Variants in OGG1 observed in about 807,000 individuals in gnomAD.
OGG1 encodes 8-oxoguanine DNA glycosylase, also known as N-glycosylase/DNA lyase.
In OGG1, 35 loss-of-function variants were observed where a neutral mutation model predicts 42.3. The observed-to-expected ratio is 0.83, with a 90% confidence interval of 0.63 to 1.10. The LOEUF (loss-of-function observed/expected upper bound fraction) is 1.10. Ranked by LOEUF, OGG1 falls within the 50% of genes least tolerant of loss-of-function variation. OGG1 has a pLI of 0.00. For synonymous variants in OGG1, 189 were observed against 179.0 expected (o/e 1.06, Z -0.44); for missense variants, 484 against 446.7 (o/e 1.08, Z -0.75).
chr3:9,766,642 T>G (rs569113321), exon 8 of OGG1: 144 of 1,045,224 alleles, frequency 1.4e-4, no homozygotes, highest in Non-Finnish European at 4.5e-5. Flanking sequence ...ATAAACTCAT[T>G]TAACTAAAGT....
chr3:9,784,260 A>G, intron 3 of OGG1: 1 of 1,577,070 alleles, frequency 6.3e-7, no homozygotes, highest in Non-Finnish European at 8.7e-7. Context: ...AGCTTGGAGA[A>G]GGGCCCACCT....
At chr3:9,787,729 T>C (rs779721070) in exon 4 of OGG1, 10 of 1,296,966 alleles carry the variant, frequency 7.7e-6, no homozygotes, top group African/African-American at 7.6e-5. Context: ...CTTTTTCAGA[T>C]AAATTTTTAA....
intron 2 of OGG1, among the ~76,000 whole-genome samples, chr3:9,772,628 T>C (rs2078315523): frequency 1.3e-5 from 2 of 152,174 alleles, no homozygotes; most frequent in South Asian, 4.1e-4. Flanking sequence ...ATTTCCTATC[T>C]CATTCTCAGG....
Position 9,766,277 on chromosome 3 carries a change from G to T in OGG1, c.*446G>T. On this transcript the variant is annotated 3_prime_UTR_variant, in exon 8 of 8. Transcript: ENST00000302008. ...TGAGAAATGGCCAAATATATTTCCT[G>T]ATAACATTATGTGGCCCTCTGGATC... 4.3e-6 allele frequency: 3 copies of T among 703,738 alleles called. No homozygotes were observed. The South Asian group carries it at 4.5e-5, about 11-fold the overall frequency. The allele number at this position is 703,738 out of a possible 1,614,324, so 43.6% of individuals were successfully genotyped here.
At chr3:9,761,876 A>G (rs997360108), downstream of OGG1, 1 of 1,433,886 alleles carries the variant, frequency 7.0e-7, no homozygotes, top group Admixed American at 2.5e-5. Flanking sequence ...CTGTGGCTTC[A>G]TGGCTGTCAT....
chr3:9,761,501 CCTTGCT>C, downstream of OGG1: 1 of 1,613,484 alleles, frequency 6.2e-7, no homozygotes, highest in East Asian at 2.2e-5. Flanking sequence ...CAATCCACAG[CCTTGCT>C]GTAGGGCTTC....
intron 7 of OGG1, among the ~76,000 whole-genome samples, chr3:9,765,083 C>T (rs573228803): frequency 1.4e-4 from 21 of 151,342 alleles, no homozygotes; most frequent in African/African-American, 4.4e-4. Flanking sequence ...AAAAATTAGC[C>T]GGGCGTGGTG....
At chr3:9,787,497 C>T in intron 3 of OGG1, 1 of 1,130,298 alleles carries the variant, frequency 8.8e-7, no homozygotes, top group Non-Finnish European at 1.2e-6. Flanking sequence ...GAAGATAAAA[C>T]CTGTACTTCA....
At chr3:9,750,498 C>G in intron 1 of OGG1, 75 bp downstream of exon 1, 2 of 1,596,338 alleles carry the variant, frequency 1.3e-6, no homozygotes, top group South Asian at 2.2e-5. Context: ...GCATGGGGTA[C>G]AAAGGAATTT....
chr3:9,758,957 C>G, downstream of OGG1: 1 of 514,458 alleles, frequency 1.9e-6, no homozygotes. Flanking sequence ...GCAGCAAATA[C>G]TTGCCTAAGA....
At chr3:9,780,455 CAGCCA>C in intron 2 of OGG1, 1 of 1,612,510 alleles carries the variant, frequency 6.2e-7, no homozygotes, top group Non-Finnish European at 8.5e-7. Flanking sequence ...TTCTGCCGGG[CAGCCA>C]TGATCTTGCG....
intron 2 of OGG1, among the ~76,000 whole-genome samples, chr3:9,775,705 T>C (rs1221815955): frequency 6.6e-6 from 1 of 151,974 alleles, no homozygotes; most frequent in African/African-American, 2.4e-5. Flanking sequence ...AGTGGTGTGA[T>C]CTCTGCTCAC....
chr3:9,760,313 T>C (rs1575226895), downstream of OGG1: 2 of 250,164 alleles, frequency 8.0e-6, no homozygotes, highest in African/African-American at 2.3e-5. Context: ...TGATAAACGA[T>C]AGTAGCTTCA....
In OGG1 at chr3:9,756,832, T is replaced by C; in HGVS notation, c.948+16T>C. ...GGCCCAAGCGGTGAGTGTACCTAGG[T>C]GTCCTCCCTAGGTTTCCTCTCCTCC... On this transcript the variant is annotated intron_variant, in intron 6 of 6. Transcript: ENST00000344629. The C allele has an allele frequency of 6.2e-7, 1 of 1,613,334 alleles. No individual in the cohort carries two copies. Among genetic ancestry groups the C allele is most frequent in the South Asian group, 1.1e-5 (1 of 91,038 alleles).
At chr3:9,780,290 A>C (rs1666055500) in intron 2 of OGG1, 1 of 1,508,698 alleles carries the variant, frequency 6.6e-7, no homozygotes, top group South Asian at 1.2e-5. Flanking sequence ...TCCTGTGCCC[A>C]AAGAAGGAAG....
At position 9,785,361 on chromosome 3, in the gene OGG1, G is replaced by C. The variant is rs540503107; in HGVS notation, c.383-2367G>C. ...GCGAGGGGAGGTGCTTGCCCCGTCA[G>C]CCCCTGATTCTTTCCCAGACATGTC... On this transcript the variant is annotated intron_variant, in intron 3 of 3. Transcript: ENST00000426518. 6.8e-6 allele frequency: 11 copies of C among 1,614,108 alleles called. No individual in the cohort carries two copies. In the South Asian group the frequency reaches 1.2e-4, roughly 18 times the overall value.
At position 9,757,054 on chromosome 3, in the gene OGG1, C is replaced by G. The variant is rs777474771; in HGVS notation, c.949-7C>G. ...CTCCTCCCCACACAGACTCCACCCT[C>G]CTACAGGTGCTGTTCAGTGCCGACC... is the stretch of plus-strand genomic sequence containing the variant. On this transcript the variant is annotated splice_region_variant and splice_polypyrimidine_tract_variant and intron_variant, in intron 6 of 6. Transcript: ENST00000344629. This position sits in a 1 kb window ranked among gnomAD's most constrained non-coding sequence, Gnocchi z 4.5. The G allele has an allele frequency of 1.2e-6, 2 of 1,614,104 alleles. No homozygotes were observed. Among genetic ancestry groups the G allele is most frequent in the Admixed American group, 3.3e-5 (2 of 60,030 alleles).
At chr3:9,780,629 C>T in intron 2 of OGG1, 1 of 1,434,766 alleles carries the variant, frequency 7.0e-7, no homozygotes, top group Middle Eastern at 2.5e-4. Context: ...CCGAGCCTAC[C>T]CACCAGCCCA....
At position 9,785,531 on chromosome 3, in the gene OGG1, T is replaced by C. The variant is rs1203005863; in HGVS notation, c.383-2197T>C. Reference sequence around the variant, plus strand: ...CAAACACCAGAAATATCCTTTTATCTTTCCCATCCCACCTACCGTGGGAAG... The same window carrying C: ...CAAACACCAGAAATATCCTTTTATCCTTCCCATCCCACCTACCGTGGGAAG... On this transcript the variant is annotated intron_variant, in intron 3 of 3. Transcript: ENST00000426518. 6 of 756,594 alleles carry C rather than the reference T, an allele frequency of 7.9e-6. No homozygotes were observed. In the Admixed American group the frequency reaches 1.5e-4, roughly 19 times the overall value. The allele number at this position is 756,594 out of a possible 1,614,324, so 46.9% of individuals were successfully genotyped here. A position where few individuals can be genotyped will look rare whatever the true frequency, so the allele number is the denominator to read the frequency against.
Sources: gnomAD v4.1 joint callset for allele counts (sites outside exome capture counted in the v4.1 genomes callset) on GRCh38, gnomAD v4.1.1 for gene constraint, Gnocchi (gnomAD v3.1) non-coding constraint, MANE v1.5 for transcripts, NCBI Gene and HGNC (gene_info 2026-07-23, HGNC 2026-07-21) for gene names.